The following CSNK2A2IP variants were observed in gnomAD, a reference collection of about 807,000 sequenced individuals.
The protein encoded by CSNK2A2IP is casein kinase 2 subunit alpha' interacting protein.
chr3:88,465,388 T>C, the CSNK2A2IP span: 6 of 1,231,636 alleles, frequency 4.9e-6, no homozygotes, highest in East Asian at 1.9e-4. Context: ...TGGTCAACAC[T>C]TTGTGCCATT....
At chr3:88,379,918 G>A in the CSNK2A2IP span, among the ~76,000 whole-genome samples, 1 of 152,060 alleles carries the variant, frequency 6.6e-6, no homozygotes, top group Non-Finnish European at 1.5e-5. Flanking sequence ...AACTTCCGCA[G>A]AAGTGATTCT....
At chr3:88,457,356 CT>C in the CSNK2A2IP span, among the ~76,000 whole-genome samples, 1,333 of 151,084 alleles carry the variant, frequency 8.8e-3, 16 homozygotes, top group African/African-American at 0.03. Context: ...TTTGGCTTAC[CT>C]TTTTTTTTAT....
chr3:88,372,326 C>T, the CSNK2A2IP span, among the ~76,000 whole-genome samples: 6 of 151,292 alleles, frequency 4.0e-5, no homozygotes, highest in Admixed American at 1.3e-4. Context: ...ACCAATCTAA[C>T]ATTATATATG....
the CSNK2A2IP span, among the ~76,000 whole-genome samples, chr3:88,345,790 C>A: frequency 1.3e-5 from 2 of 151,874 alleles, no homozygotes; most frequent in Non-Finnish European, 2.9e-5. Flanking sequence ...TTTAATAACC[C>A]TACAATGACC....
chr3:88,441,205 T>C, the CSNK2A2IP span, among the ~76,000 whole-genome samples: 1 of 152,318 alleles, frequency 6.6e-6, no homozygotes, highest in African/African-American at 2.4e-5. Context: ...CTAAGGTATA[T>C]TTGCTTGTTT....
the CSNK2A2IP span, among the ~76,000 whole-genome samples, chr3:88,389,235 T>TAAA: frequency 1.3e-5 from 2 of 148,910 alleles, no homozygotes; most frequent in Admixed American, 1.3e-4. Flanking sequence ...ACATTTAATT[T>TAAA]AAAAAAAAAA....
chr3:88,399,016 A>G, the CSNK2A2IP span, among the ~76,000 whole-genome samples: 2 of 152,178 alleles, frequency 1.3e-5, no homozygotes, highest in Non-Finnish European at 2.9e-5. Flanking sequence ...GATGAATCAG[A>G]TGCACATAAG....
chr3:88,380,723 C>T, the CSNK2A2IP span, among the ~76,000 whole-genome samples: 1 of 149,906 alleles, frequency 6.7e-6, no homozygotes, highest in Non-Finnish European at 1.5e-5. Context: ...AGAATTAAGA[C>T]AAGAAAGGAA....
At chr3:88,446,045 T>TCTTTCTTTCTTTCTTTCTC in the CSNK2A2IP span, among the ~76,000 whole-genome samples, 1 of 68,160 alleles carries the variant, frequency 1.5e-5, no homozygotes, top group Non-Finnish European at 3.4e-5. Context: ...TTTCTTTCTT[T>TCTTTCTTTCTTTCTTTCTC]CTTTCTTTCT....
the CSNK2A2IP span, among the ~76,000 whole-genome samples, chr3:88,463,422 G>T: frequency 1.3e-5 from 2 of 152,102 alleles, no homozygotes; most frequent in African/African-American, 2.4e-5. Context: ...CAGCTACAAG[G>T]TTCTGTCTTT....
chr3:88,366,581 G>A, the CSNK2A2IP span, among the ~76,000 whole-genome samples: 6 of 152,020 alleles, frequency 3.9e-5, no homozygotes, highest in South Asian at 2.1e-4. Context: ...AGCAGAGAAT[G>A]GATACATATA....
At chr3:88,369,898 C>G in the CSNK2A2IP span, among the ~76,000 whole-genome samples, 2 of 151,864 alleles carry the variant, frequency 1.3e-5, no homozygotes, top group African/African-American at 2.4e-5. Flanking sequence ...AAAGGGTGAG[C>G]CTTTAAATCT....
At chr3:88,394,622 C>T in the CSNK2A2IP span, among the ~76,000 whole-genome samples, 1 of 152,232 alleles carries the variant, frequency 6.6e-6, no homozygotes, top group African/African-American at 2.4e-5. Flanking sequence ...GATCCACCCA[C>T]CTTGGCCTCC....
the CSNK2A2IP span, among the ~76,000 whole-genome samples, chr3:88,402,909 T>G: frequency 6.6e-6 from 1 of 152,082 alleles, no homozygotes; most frequent in African/African-American, 2.4e-5. Context: ...ATTAAAATGT[T>G]TATTAAATCT....
chr3:88,354,953 G>C, the CSNK2A2IP span, among the ~76,000 whole-genome samples: 3 of 152,092 alleles, frequency 2.0e-5, no homozygotes, highest in Admixed American at 2.0e-4. Flanking sequence ...AAGTGTTCTT[G>C]GGGAGAATAA....
chr3:88,466,075 T>C, the CSNK2A2IP span: 4 of 1,231,644 alleles, frequency 3.2e-6, no homozygotes, highest in Non-Finnish European at 4.0e-6. Context: ...CAATCAAAGA[T>C]CTTTGAGTTC....
the CSNK2A2IP span, among the ~76,000 whole-genome samples, chr3:88,449,875 A>AGG: frequency 3.1e-4 from 27 of 88,110 alleles, 1 homozygote; most frequent in African/African-American, 1.0e-3. Flanking sequence ...ATATATATAT[A>AGG]GAGAGAGAGA....
At chr3:88,395,063 G>A in the CSNK2A2IP span, among the ~76,000 whole-genome samples, 3 of 152,252 alleles carry the variant, frequency 2.0e-5, no homozygotes, top group South Asian at 2.1e-4. Flanking sequence ...TTCTGTTTAC[G>A]CATATGTGCT....
At chr3:88,436,723 G>A in the CSNK2A2IP span, among the ~76,000 whole-genome samples, 1 of 152,072 alleles carries the variant, frequency 6.6e-6, no homozygotes, top group Non-Finnish European at 1.5e-5. Context: ...ATCTTCATAT[G>A]ATCCTGATAG....
Sources: gnomAD v4.1 joint callset for allele counts (sites outside exome capture counted in the v4.1 genomes callset) on GRCh38, gnomAD v4.1.1 for gene constraint, MANE v1.5 for transcripts, NCBI Gene and HGNC (gene_info 2026-07-23, HGNC 2026-07-21) for gene names.